The following ZC3H12B variants were observed in gnomAD, a reference collection of about 807,000 sequenced individuals.
ZC3H12B encodes probable ribonuclease ZC3H12B.
Under a neutral mutation model 43.9 loss-of-function variants are expected in ZC3H12B, and 7 were observed. The ratio of observed to expected loss-of-function variants is 0.16; its 90% confidence interval spans 0.09 to 0.30. The LOEUF is 0.30. Ranked by LOEUF, ZC3H12B falls within the 10% of genes least tolerant of loss-of-function variation. The probability of loss-of-function intolerance (pLI) is 1.00; values close to 1 mark genes in which losing one functional copy is unlikely to be tolerated. For missense variants in ZC3H12B, 475 were observed against 670.2 expected (o/e 0.71, Z 3.22); for synonymous variants, 222 against 241.7 (o/e 0.92, Z 0.76).
At chrX:65,309,004 T>C in the ZC3H12B span, among the ~76,000 whole-genome samples, 1 of 111,311 alleles carries the variant, frequency 9.0e-6, no homozygotes, top group South Asian at 3.7e-4. Flanking sequence ...TAGAGGGAAA[T>C]TTATAGCACT....
At chrX:65,177,438 C>G in the ZC3H12B span, among the ~76,000 whole-genome samples, 2 of 111,655 alleles carry the variant, frequency 1.8e-5, no homozygotes, top group Non-Finnish European at 3.8e-5. Flanking sequence ...GGCAATCAGG[C>G]AAGTGAAAGA....
chrX:65,475,236 C>T (rs768054475), intron 3 of ZC3H12B, among the ~76,000 whole-genome samples: 11 of 111,656 alleles, frequency 9.9e-5, no homozygotes, highest in African/African-American at 3.6e-4. Context: ...TACATTGTTG[C>T]ATTAATCTAT....
chrX:65,230,841 G>A, the ZC3H12B span, among the ~76,000 whole-genome samples: 7 of 111,376 alleles, frequency 6.3e-5, no homozygotes, highest in African/African-American at 2.0e-4. Flanking sequence ...TTTTTCTGAA[G>A]GTATAAACTC....
intron 3 of ZC3H12B, among the ~76,000 whole-genome samples, chrX:65,461,960 T>C (rs2067756107): frequency 9.1e-6 from 1 of 109,665 alleles, no homozygotes; most frequent in Non-Finnish European, 1.9e-5. Context: ...AAACACCACC[T>C]GATCTCCAAA....
At chrX:65,498,244 G>A (rs900419222) in intron 2 of ZC3H12B, among the ~76,000 whole-genome samples, 2 of 111,717 alleles carry the variant, frequency 1.8e-5, no homozygotes, top group Admixed American at 9.5e-5. Context: ...GCCTAGGAAA[G>A]CAAAAATGCC....
the ZC3H12B span, among the ~76,000 whole-genome samples, chrX:65,232,059 C>A: frequency 2.0e-5 from 2 of 101,957 alleles, no homozygotes; most frequent in African/African-American, 4.2e-5. Flanking sequence ...CATGGTGAAA[C>A]CCCGTCTCTA....
exon 5 of ZC3H12B, chrX:65,506,213 A>G (rs2068423692): frequency 8.9e-6 from 1 of 112,683 alleles, no homozygotes; most frequent in African/African-American, 3.2e-5. Context: ...ATTATATTGC[A>G]TAAGTTCTCT....
chrX:65,204,028 A>T, the ZC3H12B span, among the ~76,000 whole-genome samples: 6 of 111,959 alleles, frequency 5.4e-5, no homozygotes, highest in Non-Finnish European at 1.1e-4. Flanking sequence ...CTGAGTTTGA[A>T]TGCAGAGTCC....
chrX:65,500,285 A>C (rs930478204), intron 4 of ZC3H12B, among the ~76,000 whole-genome samples: 1 of 112,603 alleles, frequency 8.9e-6, no homozygotes, highest in African/African-American at 3.2e-5. Flanking sequence ...GAAATGAAGA[A>C]ATCTATATGG....
chrX:65,130,866 T>A, the ZC3H12B span, among the ~76,000 whole-genome samples: 8 of 111,968 alleles, frequency 7.1e-5, no homozygotes, highest in African/African-American at 2.6e-4. Context: ...GCTGCTTTTT[T>A]AGCTACCTTA....
At chrX:65,201,011 G>T in the ZC3H12B span, among the ~76,000 whole-genome samples, 1 of 111,494 alleles carries the variant, frequency 9.0e-6, no homozygotes, top group East Asian at 2.8e-4. Flanking sequence ...TCTTTTTGTT[G>T]TATGTCTGCC....
the ZC3H12B span, among the ~76,000 whole-genome samples, chrX:65,181,061 G>T: frequency 4.5e-5 from 5 of 110,755 alleles, no homozygotes; most frequent in Non-Finnish European, 9.5e-5. Context: ...AGACACATAG[G>T]CCAATGGAAC....
At chrX:65,466,915 A>AATATATATATATATATAT (rs58150008) in intron 3 of ZC3H12B, among the ~76,000 whole-genome samples, 3 of 23,941 alleles carry the variant, frequency 1.3e-4, no homozygotes, top group Non-Finnish European at 3.2e-4. Flanking sequence ...TATAAAACCA[A>AATATATATATATATATAT]ATATATATAT....
At chrX:65,050,230 G>A in the ZC3H12B span, among the ~76,000 whole-genome samples, 8 of 111,048 alleles carry the variant, frequency 7.2e-5, no homozygotes, top group African/African-American at 2.3e-4. Context: ...CTATGGAAGT[G>A]CAACTGCTTT....
At chrX:65,070,050 A>G in the ZC3H12B span, among the ~76,000 whole-genome samples, 1,630 of 104,815 alleles carry the variant, frequency 0.016, 49 homozygotes, top group African/African-American at 0.054. Flanking sequence ...TGTACATCTC[A>G]TAGAACTCGG....
the ZC3H12B span, among the ~76,000 whole-genome samples, chrX:65,121,374 C>G: frequency 9.0e-6 from 1 of 111,451 alleles, no homozygotes; most frequent in Non-Finnish European, 1.9e-5. Flanking sequence ...CTGGTTTAGT[C>G]TTGGGAGGGT....
At chrX:65,134,483 GA>G in the ZC3H12B span, among the ~76,000 whole-genome samples, 1 of 111,955 alleles carries the variant, frequency 8.9e-6, no homozygotes, top group Admixed American at 9.5e-5. Flanking sequence ...ACTGGAATTG[GA>G]AGGACAGGGA....
chrX:65,249,250 G>C, the ZC3H12B span, among the ~76,000 whole-genome samples: 2 of 111,954 alleles, frequency 1.8e-5, no homozygotes, highest in Non-Finnish European at 3.8e-5. Flanking sequence ...CTTGATTTCT[G>C]TGTAAGGTGA....
chrX:65,151,184 G>C, the ZC3H12B span, among the ~76,000 whole-genome samples: 1 of 111,495 alleles, frequency 9.0e-6, no homozygotes, highest in Non-Finnish European at 1.9e-5. Context: ...TTCTTTTTCA[G>C]TAGAATATTT....
Sources: gnomAD v4.1 joint callset for allele counts (sites outside exome capture counted in the v4.1 genomes callset) on GRCh38, gnomAD v4.1.1 for gene constraint, MANE v1.5 for transcripts, NCBI Gene and HGNC (gene_info 2026-07-23, HGNC 2026-07-21) for gene names.